Variants in DCK observed in about 807,000 individuals in gnomAD.
DCK encodes the protein deoxyadenosine kinase.
Under a neutral mutation model 38.3 loss-of-function variants are expected in DCK, and 23 were observed. That is an observed-to-expected ratio of 0.60 (90% confidence interval 0.43 to 0.85). DCK has a LOEUF of 0.85. Ranked by LOEUF, DCK falls within the 40% of genes least tolerant of loss-of-function variation. The pLI, the probability that DCK is intolerant of heterozygous loss-of-function variation, is 0.00. For synonymous variants in DCK, 108 were observed against 100.6 expected (o/e 1.07, Z -0.44); for missense variants, 259 against 304.4 (o/e 0.85, Z 1.11).
chr4:71,007,659 C>T (rs568247947), intron 2 of DCK, among the ~76,000 whole-genome samples: 2 of 152,270 alleles, frequency 1.3e-5, no homozygotes, highest in South Asian at 4.1e-4. Flanking sequence ...TGAAATTTGT[C>T]CATATTATAT....
intron 6 of DCK, among the ~76,000 whole-genome samples, chr4:71,029,148 C>T (rs1169827836): frequency 6.6e-6 from 1 of 152,204 alleles, no homozygotes; most frequent in Non-Finnish European, 1.5e-5. Flanking sequence ...CCCATCTCGG[C>T]CTCCCAAAAT....
chr4:71,024,892 A>G (rs1337377168), intron 4 of DCK, among the ~76,000 whole-genome samples: 1 of 152,096 alleles, frequency 6.6e-6, no homozygotes, highest in Non-Finnish European at 1.5e-5. Flanking sequence ...AGTTATGAAA[A>G]TAGTACAAAC....
In DCK at chr4:71,026,663, A is replaced by AG; in HGVS notation, c.666-1dup. ...ATTTTATTAATCTCTCTTTTTAAAC[A>AG]GAACCAACTTCGATTATCTTCAAGA... is the stretch of plus-strand genomic sequence containing the variant. On this transcript the variant is annotated splice_acceptor_variant, in intron 5 of 6. Coordinates refer to ENST00000286648, the MANE Select transcript of DCK (RefSeq NM_000788.3). LOFTEE classifies it high-confidence loss of function. 1 of 1,453,204 alleles carries AG rather than the reference A, an allele frequency of 6.9e-7. No homozygotes were observed. Among genetic ancestry groups the AG allele is most frequent in the Admixed American group, 1.9e-5 (1 of 53,122 alleles). The allele number at this position is 1,453,204 out of a possible 1,614,324, so 90.0% of individuals were successfully genotyped here.
intron 2 of DCK, among the ~76,000 whole-genome samples, chr4:71,021,785 G>T (rs1474422927): frequency 6.7e-6 from 1 of 149,666 alleles, no homozygotes; most frequent in African/African-American, 2.6e-5. Context: ...GGCAGATCAT[G>T]AGGTCAGGAG....
At chr4:71,018,489 T>G (rs955065482) in intron 2 of DCK, among the ~76,000 whole-genome samples, 8 of 151,786 alleles carry the variant, frequency 5.3e-5, no homozygotes, top group South Asian at 2.1e-4. Flanking sequence ...AGGTACAGGT[T>G]TTTTTTTTCC....
intron 6 of DCK, among the ~76,000 whole-genome samples, chr4:71,027,612 T>TTA (rs1740575378): frequency 6.6e-6 from 1 of 152,154 alleles, no homozygotes; most frequent in Admixed American, 6.5e-5. Flanking sequence ...TGTCTGCTGT[T>TTA]TAATAGAGAC....
intron 2 of DCK, among the ~76,000 whole-genome samples, chr4:71,014,998 G>C (rs1173530432): frequency 6.6e-6 from 1 of 152,106 alleles, no homozygotes; most frequent in Admixed American, 6.5e-5. Flanking sequence ...TTTTTGAAAA[G>C]ATCAACAAAA....
chr4:71,012,633 G>A (rs914709760), intron 2 of DCK, among the ~76,000 whole-genome samples: 2 of 152,180 alleles, frequency 1.3e-5, no homozygotes, highest in African/African-American at 2.4e-5. Flanking sequence ...TGCAGCCTCC[G>A]CTGCTGATAC....
chr4:71,005,400 G>T (rs988555564), intron 2 of DCK, among the ~76,000 whole-genome samples: 2 of 151,858 alleles, frequency 1.3e-5, no homozygotes, highest in African/African-American at 4.8e-5. Context: ...GACCAGAGCT[G>T]TTCCTATTTG....
intron 2 of DCK, among the ~76,000 whole-genome samples, chr4:71,021,887 A>G (rs1323445012): frequency 6.6e-6 from 1 of 152,206 alleles, no homozygotes; most frequent in Non-Finnish European, 1.5e-5. Context: ...CTGTAGTCCC[A>G]GCTACTTGGG....
chr4:71,009,429 T>G (rs1185608530), intron 2 of DCK, among the ~76,000 whole-genome samples: 3 of 152,234 alleles, frequency 2.0e-5, no homozygotes, highest in Admixed American at 6.5e-5. Context: ...TTAATCAGAC[T>G]GTGTCATCAG....
In DCK at chr4:71,029,424, C is replaced by G. The variant is rs762820957; in HGVS notation, c.*46C>G. On this transcript the variant is annotated 3_prime_UTR_variant, in exon 7 of 7. Transcript: ENST00000286648. ...AGCCAAATGGTTCCAGATACTTCAGCTTTGTGTATCTTCGTAACTTCATAT... is the reference window on the plus strand; with the variant it reads ...AGCCAAATGGTTCCAGATACTTCAGGTTTGTGTATCTTCGTAACTTCATAT... 6 of 1,399,548 alleles carry G rather than the reference C, an allele frequency of 4.3e-6. No homozygotes were observed. Among genetic ancestry groups the G allele is most frequent in the Non-Finnish European group, 6.1e-6 (6 of 987,606 alleles). 86.7% of individuals were successfully genotyped at this position (1,399,548 alleles called of 1,614,324 possible). A position where few individuals can be genotyped will look rare whatever the true frequency, so the allele number is the denominator to read the frequency against.
intron 2 of DCK, among the ~76,000 whole-genome samples, chr4:71,001,457 G>T (rs1003477260): frequency 6.6e-6 from 1 of 151,932 alleles, no homozygotes; most frequent in Admixed American, 6.6e-5. Context: ...TCTTTTTTTT[G>T]TTGTGTCTCT....
intron 2 of DCK, among the ~76,000 whole-genome samples, chr4:71,006,635 C>T (rs1739948867): frequency 2.0e-5 from 3 of 152,028 alleles, no homozygotes; most frequent in African/African-American, 7.3e-5. Context: ...TAGGGTGACC[C>T]CGTCTCTACA....
At chr4:71,014,664 A>T (rs1192218588) in intron 2 of DCK, among the ~76,000 whole-genome samples, 1 of 152,258 alleles carries the variant, frequency 6.6e-6, no homozygotes, top group Non-Finnish European at 1.5e-5. Context: ...CTGCTCCTGA[A>T]TGACTACTGG....
chr4:71,029,360 G>C lies in DCK; in HGVS notation c.765G>C (p.Glu255Asp), dbSNP rs1322373304. Reference protein sequence around the residue: ...KYESLVEKVKEFLSTL With the variant: ...KYESLVEKVKDFLSTL ...TTTCTTCCTTTCCTCAGGTCAAAGA[G>C]TTTTTGAGTACTTTGTGATCTTGCT... Residue 255 changes from glutamate (E) to aspartate (D), a missense_variant, in exon 7 of 7, where the codon GAG becomes GAC. By Grantham distance (45) the Glu-to-Asp change is conservative. Coordinates refer to ENST00000286648, the MANE Select transcript of DCK (RefSeq NM_000788.3). The C allele has an allele frequency of 2.2e-5, 36 of 1,604,710 alleles. No homozygotes were observed. Among genetic ancestry groups the C allele is most frequent in the Non-Finnish European group, 2.4e-5 (28 of 1,174,944 alleles).
intron 5 of DCK, 139 bp downstream of exon 5, chr4:71,026,070 G>A (rs1003002265): frequency 3.5e-5 from 37 of 1,050,446 alleles, no homozygotes; most frequent in Non-Finnish European, 4.2e-5. Context: ...CCAGAACTAG[G>A]TATAGATTTT....
At position 71,025,839 on chromosome 4, in the gene DCK, A is replaced by G; in HGVS notation, c.573A>G (p.Leu191=). The G allele has an allele frequency of 1.2e-6, 2 of 1,609,860 alleles. No individual in the cohort carries two copies. The highest frequency in any genetic ancestry group is 1.7e-6 in the Non-Finnish European group (2 of 1,178,312). ...TPETCLHRIY[L]RGRNEEQGIP... is the part of the protein sequence containing the mutation. Reference sequence around the variant, plus strand: ...AGACATGCTTACATAGAATATATTTACGGGGAAGAAATGAAGAGCAAGGCA... The same window carrying G: ...AGACATGCTTACATAGAATATATTTGCGGGGAAGAAATGAAGAGCAAGGCA... Residue 191 remains leucine, a synonymous_variant, in exon 5 of 7, where the codon TTA becomes TTG. Coordinates refer to ENST00000286648, the MANE Select transcript of DCK (RefSeq NM_000788.3).
intron 2 of DCK, among the ~76,000 whole-genome samples, chr4:70,998,694 C>T (rs976137211): frequency 5.3e-5 from 8 of 151,978 alleles, no homozygotes; most frequent in East Asian, 1.9e-4. Context: ...GAGGCTGAGG[C>T]GGGCGGATCA....
Sources: allele counts gnomAD v4.1 joint callset (sites outside exome capture counted in the v4.1 genomes callset), GRCh38; gene constraint gnomAD v4.1.1; transcripts MANE v1.5; gene names NCBI Gene and HGNC (gene_info 2026-07-23, HGNC 2026-07-21).